The following SCUBE3 variants were observed in gnomAD, a reference collection of about 807,000 sequenced individuals.
SCUBE3 encodes signal peptide, CUB domain and EGF like domain containing 3, also known as signal peptide, CUB and EGF-like domain-containing protein 3.
A neutral mutation model predicts 116.8 loss-of-function variants in SCUBE3; 33 were observed. The ratio of observed to expected loss-of-function variants is 0.28; its 90% CI spans 0.21 to 0.38. The LOEUF (loss-of-function observed/expected upper bound fraction) is 0.38, where lower values mean the gene tolerates loss of function less well. Ranked by LOEUF, SCUBE3 falls within the 10% of genes least tolerant of loss-of-function variation. The pLI is 1.00. For missense variants in SCUBE3, 1,007 were observed against 1,324.8 expected (o/e 0.76, Z 3.72); for synonymous variants, 418 against 496.9 (o/e 0.84, Z 2.11).
rs1414574690 is a variant in SCUBE3, at chr6:35,248,704, A to G, written c.2981A>G (p.Ter994TrpextTer1). The G allele has an allele frequency of 6.2e-7, 1 of 1,613,764 alleles. No individual in the cohort carries two copies. The highest frequency in any genetic ancestry group is 8.5e-7 in the Non-Finnish European group (1 of 1,179,878). The stretch of plus-strand genomic sequence containing the variant: ...TCCAGCTTCCTGAGGCCCTACAAAT[A>G]GTAACCCTAGGCTCAGAGACCCAAT... ...KVSSFLRPYK* is the reference protein window; with the variant it reads ...KVSSFLRPYKW The change falls in exon 22 of 22, where the codon TAG becomes TGG. Residue 994 changes from the stop codon to tryptophan (W), a stop_lost. Transcript: ENST00000274938.
chr6:35,237,739 G>A (rs927349707), intron 6 of SCUBE3, among the ~76,000 whole-genome samples, 163 bp from the exon 7 acceptor site: 1 of 152,176 alleles, frequency 6.6e-6, no homozygotes, highest in African/African-American at 2.4e-5. Context: ...GGAGTGATGG[G>A]AGGAAAGGGG....
At chr6:35,227,785 A>C in intron 2 of SCUBE3, 83 bp downstream of exon 2, 1 of 1,436,964 alleles carries the variant, frequency 7.0e-7, no homozygotes, top group Non-Finnish European at 9.7e-7. Flanking sequence ...GCCACTCTCC[A>C]TCACATCAAG....
Position 35,245,801 on chromosome 6 carries a change from A to G in SCUBE3, c.2600-143A>G. ...TGGGCAATGGGAGAGGGTGTGGGGT[A>G]GGGTGTGTGTATGCGAAGGGGGAGC... On this transcript the variant is annotated intron_variant, in intron 19 of 21. Transcript: ENST00000274938. This position sits in a 1 kb window ranked among gnomAD's most constrained non-coding sequence, Gnocchi z 4.2. 1.2e-6 allele frequency: 1 copy of G among 838,096 alleles called. No individual in the cohort carries two copies. Among genetic ancestry groups the G allele is most frequent in the Non-Finnish European group, 1.9e-6 (1 of 521,426 alleles). The allele number at this position is 838,096 out of a possible 1,614,324, so 51.9% of individuals were successfully genotyped here.
chr6:35,243,877 T>C lies in SCUBE3; in HGVS notation c.2072-86T>C. 3.9e-6 allele frequency: 6 copies of C among 1,533,484 alleles called. No individual in the cohort carries two copies. Among genetic ancestry groups the C allele is most frequent in the Non-Finnish European group, 5.4e-6 (6 of 1,120,586 alleles). 95.0% of individuals were successfully genotyped at this position (1,533,484 alleles called of 1,614,324 possible). ...ACTCTCTTAGTCAACATCCTGTTTGTATACCTTTGTCCCCTGAGATCGGGT... is the reference window on the plus strand; with the variant it reads ...ACTCTCTTAGTCAACATCCTGTTTGCATACCTTTGTCCCCTGAGATCGGGT... On this transcript the variant is annotated intron_variant, in intron 16 of 21. Coordinates refer to ENST00000274938, the MANE Select transcript of SCUBE3 (RefSeq NM_152753.4). The surrounding 1 kb of genome is among the most constrained non-coding windows in gnomAD (Gnocchi z 6.6).
Position 35,243,373 on chromosome 6 carries a change from T to C in SCUBE3, c.1909+137T>C. On this transcript the variant is annotated intron_variant, in intron 15 of 21. Transcript: ENST00000274938. This position sits in a 1 kb window ranked among gnomAD's most constrained non-coding sequence, Gnocchi z 6.6. ...GATGCTCCTGCCCGCTGTCCTCCCT[T>C]CCTTGGTTCCAGGCTGAAATCTAGA... is the stretch of plus-strand genomic sequence containing the variant. 1.1e-6 allele frequency: 1 copy of C among 891,982 alleles called. No homozygotes were observed. The highest frequency in any genetic ancestry group is 1.7e-6 in the Non-Finnish European group (1 of 580,726). The allele number at this position is 891,982 out of a possible 1,614,324, so 55.3% of individuals were successfully genotyped here.
intron 1 of SCUBE3, among the ~76,000 whole-genome samples, chr6:35,218,374 G>C (rs181865937): frequency 6.6e-6 from 1 of 152,204 alleles, no homozygotes; most frequent in South Asian, 2.1e-4. Context: ...GCCTTGAACT[G>C]AGGACAGGGG....
chr6:35,233,213 C>T lies in SCUBE3; in HGVS notation c.624C>T (p.Cys208=), dbSNP rs752620594. ...KLTCNYGNGG[C]QHTCDDTEQG... Reference sequence around the variant, plus strand: ...CATGCAACTATGGTAACGGCGGCTGCCAGCACACGTGTGATGACACAGAGC... The same window carrying T: ...CATGCAACTATGGTAACGGCGGCTGTCAGCACACGTGTGATGACACAGAGC... The change falls in exon 6 of 22, where the codon TGC becomes TGT. Residue 208 remains cysteine, a synonymous_variant. Coordinates refer to ENST00000274938, the MANE Select transcript of SCUBE3 (RefSeq NM_152753.4). The surrounding 1 kb of genome is among the most constrained non-coding windows in gnomAD (Gnocchi z 5.7). 9 of 1,613,552 alleles carry T rather than the reference C, an allele frequency of 5.6e-6. No homozygotes were observed. The Admixed American group carries it at 1.5e-4, about 27-fold the overall frequency.
Position 35,239,977 on chromosome 6 carries a change from AC to A in SCUBE3, c.952+104del. ...GTCTTAGAAACTCAATAGATATCAC[AC>A]AGAGTCTCTAGAGGCAGTGTCATCC... On this transcript the variant is annotated intron_variant, in intron 8 of 21. Coordinates refer to ENST00000274938, the MANE Select transcript of SCUBE3 (RefSeq NM_152753.4). The surrounding 1 kb of genome is among the most constrained non-coding windows in gnomAD (Gnocchi z 4.1). The A allele has an allele frequency of 9.7e-7, 1 of 1,026,904 alleles. No homozygotes were observed. Among genetic ancestry groups the A allele is most frequent in the Non-Finnish European group, 1.4e-6 (1 of 726,446 alleles). 63.6% of individuals were successfully genotyped at this position (1,026,904 alleles called of 1,614,324 possible).
chr6:35,248,801 C>T lies in SCUBE3; in HGVS notation c.*96C>T, dbSNP rs371815207. Reference sequence around the variant, plus strand: ...ACCCTCAGACAAGGAACTCTCTCCTCTCTTTTTGGAGGGAAAAAAAAAATA... The same window carrying T: ...ACCCTCAGACAAGGAACTCTCTCCTTTCTTTTTGGAGGGAAAAAAAAAATA... On this transcript the variant is annotated 3_prime_UTR_variant, in exon 22 of 22. Transcript: ENST00000274938. The T allele has an allele frequency of 2.1e-6, 2 of 951,166 alleles. No individual in the cohort carries two copies. The highest frequency in any genetic ancestry group is 2.4e-5 in the East Asian group (1 of 41,280). 58.9% of individuals were successfully genotyped at this position (951,166 alleles called of 1,614,324 possible). A position where few individuals can be genotyped will look rare whatever the true frequency, so the allele number is the denominator to read the frequency against.
chr6:35,242,645 C>A lies in SCUBE3; in HGVS notation c.1558C>A (p.Gln520Lys). 2 of 1,612,590 alleles carry A rather than the reference C, an allele frequency of 1.2e-6. No individual in the cohort carries two copies. Among genetic ancestry groups the A allele is most frequent in the Non-Finnish European group, 1.7e-6 (2 of 1,178,706 alleles). The change falls in exon 14 of 22, where the codon CAG becomes AAG. Residue 520 changes from glutamine (Q) to lysine (K), a missense_variant. Physicochemically the swap from Gln to Lys is moderately conservative, Grantham distance 53. Coordinates refer to ENST00000274938, the MANE Select transcript of SCUBE3 (RefSeq NM_152753.4). Reference protein sequence around the residue: ...GPGGAPCSECQVTFIHLKCDS... With the variant: ...GPGGAPCSECKVTFIHLKCDS... ...AGGTGGTGCCCCCTGCTCTGAATGC[C>A]AGGTCACCTTCATCCACCTTAAGTG...
rs1344935567 is a variant in SCUBE3 at position 35,244,674 on chromosome 6, A to G, written c.2264A>G (p.Tyr755Cys). 6.2e-7 allele frequency: 1 copy of G among 1,614,028 alleles called. No homozygotes were observed. ...GTCCAGTGCTCCCCAGGGCACTACT[A>G]CAACACCAGCATCCACCGCTGTATT... ...TKVQCSPGHY[Y>C]NTSIHRCIRC... Residue 755 changes from tyrosine to cysteine, a missense_variant, in exon 18 of 22, where the codon TAC becomes TGC. Physicochemically the swap from Tyr to Cys is radical, Grantham distance 194. Coordinates refer to ENST00000274938, the MANE Select transcript of SCUBE3 (RefSeq NM_152753.4). The surrounding 1 kb of genome is among the most constrained non-coding windows in gnomAD (Gnocchi z 4.3).
Position 35,228,697 on chromosome 6 carries a change from T to G in SCUBE3, c.292T>G (p.Tyr98Asp). The part of the protein sequence containing the change: ...NIPGNYRCTC[Y>D]DGFHLAHDGH... ...CCCTGGCAATTACCGGTGTACCTGC[T>G]ATGATGGATTCCACCTGGCACATGA... Residue 98 changes from tyrosine (Y) to aspartate (D), a missense_variant, in exon 3 of 22, where the codon TAT (tyrosine) becomes GAT (aspartate). Around this residue, in one of 5 missense-constraint regions of SCUBE3, gnomAD observed 37 missense variants for 80.6 expected, o/e 0.46. Coordinates refer to ENST00000274938, the MANE Select transcript of SCUBE3 (RefSeq NM_152753.4). This position sits in a 1 kb window ranked among gnomAD's most constrained non-coding sequence, Gnocchi z 4.9. The G allele has an allele frequency of 6.2e-7, 1 of 1,614,124 alleles. No individual in the cohort carries two copies. Among genetic ancestry groups the G allele is most frequent in the Non-Finnish European group, 8.5e-7 (1 of 1,179,972 alleles).
Position 35,228,887 on chromosome 6 carries a change from G to T in SCUBE3, c.334+148G>T. 1.2e-6 allele frequency: 1 copy of T among 805,282 alleles called. No homozygotes were observed. Among genetic ancestry groups the T allele is most frequent in the Non-Finnish European group, 2.0e-6 (1 of 493,982 alleles). The allele number at this position is 805,282 out of a possible 1,614,324, so 49.9% of individuals were successfully genotyped here. A position where few individuals can be genotyped will look rare whatever the true frequency, so the allele number is the denominator to read the frequency against. Reference sequence around the variant, plus strand: ...TAAGGTCAGCCTCCCCTTTGAGACTGGCCACTTAGGATGAAAAATCCTGCT... The same window carrying T: ...TAAGGTCAGCCTCCCCTTTGAGACTTGCCACTTAGGATGAAAAATCCTGCT... On this transcript the variant is annotated intron_variant, in intron 3 of 21. Transcript: ENST00000274938. The surrounding 1 kb of genome is among the most constrained non-coding windows in gnomAD (Gnocchi z 4.9).
Position 35,235,592 on chromosome 6 carries a change from C to G in SCUBE3, c.712+2291C>G. On this transcript the variant is annotated intron_variant, in intron 6 of 21. Transcript: ENST00000274938. The surrounding 1 kb of genome is among the most constrained non-coding windows in gnomAD (Gnocchi z 4.5). ...TAACTGCATGCCCACTGGGCCCAGC[C>G]TGACTGGGCCCCAACTTGCCAGCAG... 1.7e-6 allele frequency: 1 copy of G among 604,658 alleles called. No homozygotes were observed. The highest frequency in any genetic ancestry group is 2.5e-5 in the Admixed American group (1 of 39,732). The allele number at this position is 604,658 out of a possible 1,614,324, so 37.5% of individuals were successfully genotyped here.
chr6:35,241,946 C>T lies in SCUBE3; in HGVS notation c.1417+36C>T. On this transcript the variant is annotated intron_variant, in intron 12 of 21. Coordinates refer to ENST00000274938, the MANE Select transcript of SCUBE3 (RefSeq NM_152753.4). The surrounding 1 kb of genome is among the most constrained non-coding windows in gnomAD (Gnocchi z 4.1). ...GCCCAGAAGCCCTGTTCCCACCCTA[C>T]TCTCTTACATTAATCCCTTATTTTT... 3 of 1,364,542 alleles carry T rather than the reference C, an allele frequency of 2.2e-6. No homozygotes were observed. Among genetic ancestry groups the T allele is most frequent in the Non-Finnish European group, 3.1e-6 (3 of 960,276 alleles). 84.5% of individuals were successfully genotyped at this position (1,364,542 alleles called of 1,614,324 possible). A position where few individuals can be genotyped will look rare whatever the true frequency, so the allele number is the denominator to read the frequency against.
chr6:35,221,497 C>G (rs1480957527), intron 1 of SCUBE3: 1 of 152,208 alleles, frequency 6.6e-6, no homozygotes, highest in Non-Finnish European at 1.5e-5. Context: ...ACATTATCCA[C>G]TCACTACTAA....
Position 35,232,985 on chromosome 6 carries a change from T to C in SCUBE3, c.595+10T>C, listed in dbSNP as rs777555947. On this transcript the variant is annotated intron_variant, in intron 5 of 21. Transcript: ENST00000274938. This position sits in a 1 kb window ranked among gnomAD's most constrained non-coding sequence, Gnocchi z 4.2. ...CAACGGGACTGTAAATGTGAGATAA[T>C]TGGGATGGCAGGTGGGGCAGTGGGG... 4.3e-6 allele frequency: 7 copies of C among 1,613,588 alleles called. No homozygotes were observed. In the African/African-American group the frequency reaches 6.7e-5, roughly 15 times the overall value.
At chr6:35,238,905 T>G (rs1314262949) in intron 7 of SCUBE3, among the ~76,000 whole-genome samples, 1 of 152,032 alleles carries the variant, frequency 6.6e-6, no homozygotes, top group Non-Finnish European at 1.5e-5. Context: ...GGGGGGAGGC[T>G]AGGGCAGCAG....
chr6:35,229,255 T>C (rs1252008053), intron 3 of SCUBE3, among the ~76,000 whole-genome samples: 2 of 151,938 alleles, frequency 1.3e-5, no homozygotes, highest in African/African-American at 4.8e-5. Flanking sequence ...CAAAAAATAA[T>C]AATAATAAAA....
Sources: gnomAD v4.1 joint callset for allele counts (sites outside exome capture counted in the v4.1 genomes callset) on GRCh38, gnomAD v4.1.1 for gene constraint, gnomAD v4.1.1 regional missense constraint, Gnocchi (gnomAD v3.1) non-coding constraint, MANE v1.5 for transcripts, NCBI Gene and HGNC (gene_info 2026-07-23, HGNC 2026-07-21) for gene names.